CRPPA: variants seen among roughly 807,000 people sequenced by gnomAD.
CRPPA encodes the protein CDP-L-ribitol pyrophosphorylase A.
A neutral mutation model predicts 52.0 loss-of-function variants in CRPPA; 43 were observed. The observed-to-expected ratio is 0.83, with a 90% confidence interval of 0.65 to 1.07. CRPPA has a LOEUF of 1.07. CRPPA is among the 50% of genes least tolerant of loss of function. The pLI is 0.00. For synonymous variants in CRPPA, 250 were observed against 203.5 expected, an observed-to-expected ratio of 1.23 and a Z score of -1.94; for missense variants, 629 against 551.7, an observed-to-expected ratio of 1.14 and a Z score of -1.40.
chr7:16,246,039 C>G (rs185628444), intron 8 of CRPPA, among the ~76,000 whole-genome samples: 2 of 152,056 alleles, frequency 1.3e-5, no homozygotes, highest in Admixed American at 6.6e-5. Flanking sequence ...AGTGATCCTT[C>G]TTTTCATAAA....
chr7:16,138,645 T>C (rs1782806591), intron 9 of CRPPA, among the ~76,000 whole-genome samples: 1 of 152,208 alleles, frequency 6.6e-6, no homozygotes, highest in South Asian at 2.1e-4. Flanking sequence ...TTTCTCATTA[T>C]ATAAAAATGT....
At chr7:16,388,933 C>T (rs1403314094) in intron 2 of CRPPA, among the ~76,000 whole-genome samples, 2 of 151,902 alleles carry the variant, frequency 1.3e-5, no homozygotes, top group African/African-American at 2.4e-5. Context: ...TTAATAAAAT[C>T]GGAAGGTAGT....
At position 16,089,786 on chromosome 7, in the gene CRPPA, T is replaced by C. The variant is rs1007951188; in HGVS notation, c.*1909A>G. 1 of 177,918 alleles carries C rather than the reference T, an allele frequency of 5.6e-6. No homozygotes were observed. Among genetic ancestry groups the C allele is most frequent in the African/African-American group, 2.4e-5 (1 of 42,138 alleles). 11.0% of individuals were successfully genotyped at this position (177,918 alleles called of 1,614,324 possible). ...GTCATAGTAAGTACTCTGAGATAAA[T>C]TCTTGTCTGCTGTAGGATTCCTTAA... On this transcript the variant is annotated 3_prime_UTR_variant, in exon 10 of 10. Transcript: ENST00000407010.
chr7:16,162,401 AACTT>A (rs1481910524), intron 9 of CRPPA, among the ~76,000 whole-genome samples: 4 of 152,166 alleles, frequency 2.6e-5, no homozygotes, highest in Non-Finnish European at 5.9e-5. Context: ...GGTTTCAAAG[AACTT>A]ACTGATTTCT....
At chr7:16,297,685 CA>C (rs1784703471) in intron 5 of CRPPA, among the ~76,000 whole-genome samples, 1 of 152,200 alleles carries the variant, frequency 6.6e-6, no homozygotes, top group Admixed American at 6.5e-5. Flanking sequence ...CAGGCAAAAT[CA>C]GTCCTGAACT....
Position 16,088,530 on chromosome 7 carries a change from G to T in CRPPA, c.*3165C>A, listed in dbSNP as rs183928442. 1.4e-5 allele frequency: 2 copies of T among 147,680 alleles called. No individual in the cohort carries two copies. The highest frequency in any genetic ancestry group is 5.0e-5 in the African/African-American group (2 of 39,938). 9.1% of individuals were successfully genotyped at this position (147,680 alleles called of 1,614,324 possible). A position where few individuals can be genotyped will look rare whatever the true frequency, so the allele number is the denominator to read the frequency against. On this transcript the variant is annotated 3_prime_UTR_variant, in exon 10 of 10. Coordinates refer to ENST00000407010, the MANE Select transcript of CRPPA (RefSeq NM_001101426.4). ...CCTCCCAGGTTGACGCCATTCTCCT[G>T]CCTAAGCCTCCTGAGTAGCTGGGAC...
chr7:16,157,036 C>T lies in CRPPA; in HGVS notation c.1251+59030G>A, dbSNP rs973493181. Among the ~76,000 whole-genome samples, 10 of 152,070 alleles carry T rather than the reference C, an allele frequency of 6.6e-5. No individual in the cohort carries two copies. The East Asian group carries it at 1.7e-3, about 26-fold the overall frequency. On this transcript the variant is annotated intron_variant, in intron 9 of 9. Coordinates refer to ENST00000407010, the MANE Select transcript of CRPPA (RefSeq NM_001101426.4). ...TTTTTGTTTTTTGTTTTGTTACTCC[C>T]AATCTAATGGCCTGAAGAAAGCCCT...
intron 9 of CRPPA, among the ~76,000 whole-genome samples, chr7:16,144,129 A>G (rs1782925962): frequency 6.6e-6 from 1 of 152,192 alleles, no homozygotes; most frequent in African/African-American, 2.4e-5. Flanking sequence ...TGACAAGCCC[A>G]CAGACCTTGA....
chr7:16,247,456 CACA>C (rs2128408524), intron 8 of CRPPA, among the ~76,000 whole-genome samples: 1 of 152,266 alleles, frequency 6.6e-6, no homozygotes, highest in South Asian at 2.1e-4. Flanking sequence ...TCAGAACACA[CACA>C]ACATTTATCA....
rs560686423 is a variant in CRPPA, at chr7:16,122,422, AC to A, written c.1252-30624del. 4.6e-5 allele frequency among the ~76,000 whole-genome samples: 7 copies of A among 152,222 alleles called. No homozygotes were observed. The East Asian group carries it at 9.6e-4, about 21-fold the overall frequency. On this transcript the variant is annotated intron_variant, in intron 9 of 9. Transcript: ENST00000407010. Reference sequence around the variant, plus strand: ...AATACTAAACTTAGAAAAGAAAAAAACAATTGATAATCTTTATAAGAACATG... The same window carrying A: ...AATACTAAACTTAGAAAAGAAAAAAAAATTGATAATCTTTATAAGAACATG...
intron 9 of CRPPA, among the ~76,000 whole-genome samples, chr7:16,102,265 T>C (rs1036212653): frequency 6.6e-6 from 1 of 152,164 alleles, no homozygotes. Flanking sequence ...TACAGAAAAC[T>C]GAAACTGGAC....
intron 9 of CRPPA, among the ~76,000 whole-genome samples, chr7:16,206,109 C>A (rs906914374): frequency 9.2e-5 from 14 of 152,032 alleles, no homozygotes; most frequent in Admixed American, 9.2e-4. Flanking sequence ...CAAATGCATA[C>A]CTTCATACAT....
rs188383689 is a variant in CRPPA at position 16,411,442 on chromosome 7, T to G, written c.258-5105A>C. Among the ~76,000 whole-genome samples, 7 of 152,270 alleles carry G rather than the reference T, an allele frequency of 4.6e-5. No individual in the cohort carries two copies. The East Asian group carries it at 1.2e-3, about 25-fold the overall frequency. On this transcript the variant is annotated intron_variant, in intron 1 of 9. Transcript: ENST00000407010. Reference sequence around the variant, plus strand: ...TTAAGGTTGAAACACGTAATATTCCTGCTTTTATAGTCAAAAGCGCTCAAG... The same window carrying G: ...TTAAGGTTGAAACACGTAATATTCCGGCTTTTATAGTCAAAAGCGCTCAAG...
intron 3 of CRPPA, among the ~76,000 whole-genome samples, chr7:16,330,876 C>T (rs1406120020): frequency 1.3e-5 from 2 of 152,222 alleles, no homozygotes; most frequent in African/African-American, 2.4e-5. Flanking sequence ...AAATACCCAA[C>T]TCCAAACACC....
At chr7:16,395,000 G>A (rs983302038) in intron 2 of CRPPA, among the ~76,000 whole-genome samples, 1 of 152,144 alleles carries the variant, frequency 6.6e-6, no homozygotes, top group Non-Finnish European at 1.5e-5. Flanking sequence ...TCAATTTTGT[G>A]ATGTTTTCTG....
At chr7:16,196,653 G>C (rs1397845860) in intron 9 of CRPPA, among the ~76,000 whole-genome samples, 1 of 152,102 alleles carries the variant, frequency 6.6e-6, no homozygotes, top group Admixed American at 6.6e-5. Flanking sequence ...ATAGTATCTA[G>C]AGAAAGACAC....
At chr7:16,169,980 T>C (rs1021761828) in intron 9 of CRPPA, among the ~76,000 whole-genome samples, 4 of 152,230 alleles carry the variant, frequency 2.6e-5, no homozygotes, top group African/African-American at 9.6e-5. Context: ...TATTTTTCTG[T>C]GACCAGCAGC....
chr7:16,245,154 T>C (rs571042683), intron 8 of CRPPA, among the ~76,000 whole-genome samples: 1 of 152,296 alleles, frequency 6.6e-6, no homozygotes, highest in East Asian at 1.9e-4. Flanking sequence ...AAGTGCCTGA[T>C]AGGCAATTTT....
chr7:16,388,560 C>T (rs576190900), intron 2 of CRPPA, among the ~76,000 whole-genome samples: 1 of 152,022 alleles, frequency 6.6e-6, no homozygotes, highest in East Asian at 1.9e-4. Context: ...AGAAAAAAAG[C>T]CAAATATGGT....
Sources: gnomAD v4.1 joint callset for allele counts (sites outside exome capture counted in the v4.1 genomes callset) on GRCh38, gnomAD v4.1.1 for gene constraint, MANE v1.5 for transcripts, NCBI Gene and HGNC (gene_info 2026-07-23, HGNC 2026-07-21) for gene names.